The following PIGU variants were observed in gnomAD, a reference collection of about 807,000 sequenced individuals.
PIGU encodes phosphatidylinositol glycan anchor biosynthesis class U.
In PIGU, 24 loss-of-function variants were observed where a neutral mutation model predicts 49.9. The observed-to-expected ratio is 0.48, with a 90% CI of 0.35 to 0.68. The LOEUF (loss-of-function observed/expected upper bound fraction) is 0.68, where lower values mean the gene tolerates loss of function less well. PIGU is among the 30% of genes least tolerant of loss of function. The pLI, the probability that PIGU is intolerant of heterozygous loss-of-function variation, is 0.01. For missense variants in PIGU, 490 were observed against 532.6 expected (o/e 0.92, Z 0.79); for synonymous variants, 220 against 205.7 (o/e 1.07, Z -0.59).
At chr20:34,585,269 C>G (rs1729922722) in intron 9 of PIGU, among the ~76,000 whole-genome samples, 168 bp downstream of exon 9, 1 of 152,268 alleles carries the variant, frequency 6.6e-6, no homozygotes, top group African/African-American at 2.4e-5. Flanking sequence ...GACTCTATTG[C>G]CTGCTATGGC....
At chr20:34,642,575 T>C (rs1600653809) in intron 4 of PIGU, among the ~76,000 whole-genome samples, 1 of 151,276 alleles carries the variant, frequency 6.6e-6, no homozygotes, top group Non-Finnish European at 1.5e-5. Context: ...TATAAAGATC[T>C]GGGTAATTGT....
At chr20:34,659,316 C>A (rs1986849969) in intron 1 of PIGU, among the ~76,000 whole-genome samples, 1 of 148,372 alleles carries the variant, frequency 6.7e-6, no homozygotes. Flanking sequence ...GGTCAGCCCC[C>A]CGCCCGGCCA....
intron 6 of PIGU, among the ~76,000 whole-genome samples, chr20:34,631,345 A>G (rs1028568247): frequency 6.6e-6 from 1 of 152,058 alleles, no homozygotes; most frequent in Non-Finnish European, 1.5e-5. Flanking sequence ...CCAACATCCA[A>G]TAAACATCCA....
intron 11 of PIGU, among the ~76,000 whole-genome samples, chr20:34,561,235 G>T (rs188022058): frequency 6.6e-6 from 1 of 152,034 alleles, no homozygotes; most frequent in African/African-American, 2.4e-5. Flanking sequence ...CTCTGGCCTC[G>T]AATGCCAGCC....
chr20:34,631,029 T>TAA (rs542863507), intron 6 of PIGU, among the ~76,000 whole-genome samples: 1 of 149,052 alleles, frequency 6.7e-6, no homozygotes, highest in Admixed American at 6.7e-5. Context: ...AACAAACAAT[T>TAA]AAAAAAAAAT....
intron 6 of PIGU, among the ~76,000 whole-genome samples, chr20:34,618,601 G>A (rs138677285): frequency 1.2e-3 from 190 of 152,184 alleles, no homozygotes; most frequent in African/African-American, 4.3e-3. Context: ...GGGCAACATA[G>A]TAAAACCCCA....
chr20:34,627,293 G>A (rs1179821774), intron 6 of PIGU, among the ~76,000 whole-genome samples: 1 of 151,920 alleles, frequency 6.6e-6, no homozygotes, highest in Admixed American at 6.6e-5. Flanking sequence ...TAAACTACTT[G>A]CAAAATTAAA....
At chr20:34,612,634 C>CT (rs1436656304) in intron 7 of PIGU, among the ~76,000 whole-genome samples, 83 of 89,192 alleles carry the variant, frequency 9.3e-4, no homozygotes, top group African/African-American at 2.7e-3. Context: ...TTTTTTTTTT[C>CT]TTTTTTTGAG....
At chr20:34,666,872 G>A (rs1987121023) in intron 1 of PIGU, among the ~76,000 whole-genome samples, 1 of 151,628 alleles carries the variant, frequency 6.6e-6, no homozygotes, top group African/African-American at 2.4e-5. Context: ...AATTTTTTTT[G>A]TATTTTTAGT....
intron 9 of PIGU, 48 bp from the exon 10 acceptor site, chr20:34,581,720 G>T (rs757792814): frequency 6.3e-6 from 10 of 1,598,014 alleles, no homozygotes; most frequent in Non-Finnish European, 8.6e-6. Flanking sequence ...CAGGGACCAG[G>T]CCTACCCTAG....
At chr20:34,622,563 C>T (rs1179058735) in intron 6 of PIGU, among the ~76,000 whole-genome samples, 1 of 152,012 alleles carries the variant, frequency 6.6e-6, no homozygotes, top group Non-Finnish European at 1.5e-5. Context: ...AAAGTCTCAG[C>T]AAGCAGGTAG....
chr20:34,675,975 T>C (rs1304543866), intron 1 of PIGU, among the ~76,000 whole-genome samples: 1 of 151,488 alleles, frequency 6.6e-6, no homozygotes, highest in Non-Finnish European at 1.5e-5. Flanking sequence ...TAAAAATTCA[T>C]TGAACTCTAC....
intron 6 of PIGU, among the ~76,000 whole-genome samples, chr20:34,633,662 G>A (rs2146759706): frequency 6.6e-6 from 1 of 151,040 alleles, no homozygotes; most frequent in East Asian, 2.0e-4. Flanking sequence ...CCACCTACCT[G>A]GCTCAAACCA....
intron 1 of PIGU, among the ~76,000 whole-genome samples, chr20:34,673,306 T>C (rs1987374290): frequency 1.3e-5 from 2 of 151,462 alleles, no homozygotes; most frequent in African/African-American, 4.8e-5. Context: ...GAAGGAGTCC[T>C]ACTTTACTAT....
intron 6 of PIGU, among the ~76,000 whole-genome samples, chr20:34,631,858 G>A (rs1224947892): frequency 1.6e-5 from 2 of 121,266 alleles, no homozygotes; most frequent in Non-Finnish European, 3.5e-5. Flanking sequence ...TCCTTTTCTT[G>A]AGGCAGGGTC....
Position 34,645,354 on chromosome 20 carries a change from A to G in PIGU, c.196-20T>C, listed in dbSNP as rs755171773. Reference sequence around the variant, plus strand: ...TGGAGTCTGCAGAAAAAAAACAGACATGTAAAAAAAATTAAGTTAAACCTT... The same window carrying G: ...TGGAGTCTGCAGAAAAAAAACAGACGTGTAAAAAAAATTAAGTTAAACCTT... On this transcript the variant is annotated intron_variant, in intron 2 of 11. Coordinates refer to ENST00000217446, the MANE Select transcript of PIGU (RefSeq NM_080476.5). 23 of 1,555,080 alleles carry G rather than the reference A, an allele frequency of 1.5e-5. No homozygotes were observed. Among genetic ancestry groups the G allele is most frequent in the Admixed American group, 2.2e-5 (1 of 44,668 alleles).
chr20:34,619,814 A>G (rs1985140018), intron 6 of PIGU, among the ~76,000 whole-genome samples: 1 of 152,226 alleles, frequency 6.6e-6, no homozygotes, highest in African/African-American at 2.4e-5. Flanking sequence ...TTCCTTCCAT[A>G]GACTGAAGTA....
rs767843994 is a variant in PIGU, at chr20:34,657,204, C to T, written c.171G>A (p.Pro57=). The stretch of plus-strand genomic sequence containing the variant: ...CTTCATGAAATACTGCTCCAGAATA[C>T]GGAGATACTCCCAAGTCCAACAGTG... ...GLSLLDLGVS[P]YSGAVFHETP... Residue 57 remains proline, a synonymous_variant, in exon 2 of 12, where the codon CCG becomes CCA. Coordinates refer to ENST00000217446, the MANE Select transcript of PIGU (RefSeq NM_080476.5). 2.0e-5 allele frequency: 33 copies of T among 1,612,398 alleles called. No homozygotes were observed. The highest frequency in any genetic ancestry group is 1.7e-4 in the Middle Eastern group (1 of 6,056).
chr20:34,567,802 CCTCTCTCTCT>C (rs11467880), intron 11 of PIGU, among the ~76,000 whole-genome samples: 2 of 144,518 alleles, frequency 1.4e-5, no homozygotes, highest in Admixed American at 6.9e-5. Flanking sequence ...CCTCCTTCCT[CCTCTCTCTCT>C]CTCTCTCTCT....
Sources: gnomAD v4.1 joint callset for allele counts (sites outside exome capture counted in the v4.1 genomes callset) on GRCh38, gnomAD v4.1.1 for gene constraint, MANE v1.5 for transcripts, NCBI Gene and HGNC (gene_info 2026-07-23, HGNC 2026-07-21) for gene names.